The following ARHGEF4 variants were observed in gnomAD, a reference collection of about 807,000 sequenced individuals.
The protein encoded by ARHGEF4 is Rho guanine nucleotide exchange factor 4, also known as APC-stimulated guanine nucleotide exchange factor 1.
A neutral mutation model predicts 162.0 loss-of-function variants in ARHGEF4; 119 were observed. The observed-to-expected ratio is 0.73, with a 90% CI of 0.63 to 0.86. ARHGEF4 has a LOEUF of 0.86. Ranked by LOEUF, ARHGEF4 falls within the 40% of genes least tolerant of loss-of-function variation. The pLI is 0.00. For missense variants in ARHGEF4, 2,488 were observed against 2,456.0 expected (o/e 1.01, Z -0.28); for synonymous variants, 1,014 against 979.9 (o/e 1.03, Z -0.65).
At chr2:131,016,786 C>CT (rs1688799434) in intron 4 of ARHGEF4, among the ~76,000 whole-genome samples, 1 of 152,234 alleles carries the variant, frequency 6.6e-6, no homozygotes, top group Non-Finnish European at 1.5e-5. Context: ...AGTGCTGCTG[C>CT]TGGTCTGGGG....
chr2:131,004,144 C>T (rs147439516), intron 4 of ARHGEF4, among the ~76,000 whole-genome samples: 1 of 152,208 alleles, frequency 6.6e-6, no homozygotes, highest in East Asian at 1.9e-4. Flanking sequence ...CAAGGAATCT[C>T]TGTTAGTTGG....
intron 4 of ARHGEF4, among the ~76,000 whole-genome samples, chr2:131,006,454 A>G (rs1196554215): frequency 1.3e-5 from 2 of 152,262 alleles, no homozygotes; most frequent in Admixed American, 1.3e-4. Context: ...CCAGGGCCTT[A>G]GCAGCGGCCC....
chr2:131,021,987 T>C (rs2105355287), intron 4 of ARHGEF4, among the ~76,000 whole-genome samples: 1 of 152,354 alleles, frequency 6.6e-6, no homozygotes, highest in South Asian at 2.1e-4. Flanking sequence ...CCTCCTTGTA[T>C]TCCAGAAATA....
rs540529352 is a variant in ARHGEF4 at position 130,926,736 on chromosome 2, GA to G, written c.3553-4213del. Among the ~76,000 whole-genome samples the G allele has an allele frequency of 6.7e-3, 897 of 133,202 alleles. 13 individuals carry two copies. Among genetic ancestry groups the G allele is most frequent in the African/African-American group, 0.022 (834 of 37,420 alleles). The allele number at this position is 133,202 out of a possible 152,430, so 87.4% of individuals were successfully genotyped here. On this transcript the variant is annotated intron_variant, in intron 2 of 13. Transcript: ENST00000409359. ...GTGTAAGAGTTAAAGAAAGAGGAAA[GA>G]AACACAAAAAGTGGCTCAACAGTCA...
chr2:131,037,382 T>C (rs1690378035), intron 5 of ARHGEF4, among the ~76,000 whole-genome samples: 1 of 151,866 alleles, frequency 6.6e-6, no homozygotes. Flanking sequence ...AGAGGCCTCT[T>C]AGCTGGAACA....
At chr2:130,992,358 T>G (rs991613995) in intron 4 of ARHGEF4, among the ~76,000 whole-genome samples, 4 of 152,090 alleles carry the variant, frequency 2.6e-5, no homozygotes, top group African/African-American at 9.7e-5. Context: ...TGCTCACTCT[T>G]TGGGTCCATG....
intron 2 of ARHGEF4, among the ~76,000 whole-genome samples, chr2:130,928,382 C>T (rs1182127483): frequency 6.6e-6 from 1 of 152,228 alleles, no homozygotes; most frequent in Non-Finnish European, 1.5e-5. Context: ...TGCAGGTTTT[C>T]TTGTTATGCT....
intron 3 of ARHGEF4, among the ~76,000 whole-genome samples, chr2:130,943,805 G>A (rs1683446339): frequency 6.6e-6 from 1 of 151,996 alleles, no homozygotes; most frequent in South Asian, 2.1e-4. Flanking sequence ...ATAATTTTGT[G>A]TTTAACTGTC....
intron 1 of ARHGEF4, among the ~76,000 whole-genome samples, chr2:130,880,542 C>T (rs1371177100): frequency 1.3e-5 from 2 of 152,088 alleles, no homozygotes; most frequent in East Asian, 1.9e-4. Flanking sequence ...GGTAGGTTTT[C>T]GTTTTTGTTT....
At chr2:130,852,743 C>T (rs780228427) in intron 1 of ARHGEF4, among the ~76,000 whole-genome samples, 44 of 152,182 alleles carry the variant, frequency 2.9e-4, no homozygotes, top group Admixed American at 6.5e-4. Flanking sequence ...TCGCCTCCTG[C>T]GGGCGGTGGA....
At chr2:130,921,339 T>C (rs1395466998) in intron 2 of ARHGEF4, among the ~76,000 whole-genome samples, 1 of 152,116 alleles carries the variant, frequency 6.6e-6, no homozygotes, top group African/African-American at 2.4e-5. Flanking sequence ...TCATAACACA[T>C]TGTATTTCTC....
At chr2:130,906,909 G>C (rs1680847081) in intron 1 of ARHGEF4, among the ~76,000 whole-genome samples, 1 of 152,142 alleles carries the variant, frequency 6.6e-6, no homozygotes, top group African/African-American at 2.4e-5. Context: ...AATTTGTATA[G>C]AGTAAAATGT....
chr2:131,040,845 C>T (rs1690753648), intron 8 of ARHGEF4, among the ~76,000 whole-genome samples: 1 of 152,200 alleles, frequency 6.6e-6, no homozygotes. Flanking sequence ...TCTAAGTGGA[C>T]ACCTCCTAGC....
intron 4 of ARHGEF4, among the ~76,000 whole-genome samples, chr2:130,977,059 GTT>G (rs1437530924): frequency 6.6e-6 from 1 of 151,388 alleles, no homozygotes. Context: ...TGTGTGGTGT[GTT>G]TTGTATGTGT....
intron 1 of ARHGEF4, among the ~76,000 whole-genome samples, chr2:130,897,482 G>A (rs1417331870): frequency 2.6e-5 from 4 of 152,212 alleles, no homozygotes; most frequent in South Asian, 2.1e-4. Context: ...GGCTTCCGGG[G>A]GTAATGTGGG....
At chr2:130,986,421 G>A (rs570267319) in intron 4 of ARHGEF4, among the ~76,000 whole-genome samples, 7 of 152,326 alleles carry the variant, frequency 4.6e-5, no homozygotes, top group Admixed American at 3.3e-4. Flanking sequence ...GTTCTGGGAG[G>A]CCTCCTTGTG....
chr2:130,988,899 T>TAGAGAGAGAGAGAGAGAG (rs1174212061), intron 4 of ARHGEF4, among the ~76,000 whole-genome samples: 1 of 113,058 alleles, frequency 8.8e-6, no homozygotes, highest in East Asian at 3.5e-4. Context: ...TATATATATA[T>TAGAGAGAGAGAGAGAGAG]ATAGAGAGAG....
At chr2:130,910,695 A>G (rs1681126051) in intron 1 of ARHGEF4, among the ~76,000 whole-genome samples, 1 of 152,146 alleles carries the variant, frequency 6.6e-6, no homozygotes, top group Non-Finnish European at 1.5e-5. Flanking sequence ...TATCCTTTCA[A>G]ACGCCCATGG....
At chr2:130,920,522 G>A (rs1681809619) in intron 2 of ARHGEF4, among the ~76,000 whole-genome samples, 2 of 151,892 alleles carry the variant, frequency 1.3e-5, no homozygotes, top group African/African-American at 2.4e-5. Context: ...CATAGGGAAC[G>A]GGAAGGGAAG....
Sources: gnomAD v4.1 joint callset for allele counts (sites outside exome capture counted in the v4.1 genomes callset) on GRCh38, gnomAD v4.1.1 for gene constraint, MANE v1.5 for transcripts, NCBI Gene and HGNC (gene_info 2026-07-23, HGNC 2026-07-21) for gene names.